The following NRG3 variants were observed in gnomAD, a reference collection of about 807,000 sequenced individuals.
NRG3 encodes neuregulin 3.
NRG3 carries 31 observed loss-of-function variants against 66.9 expected under a neutral mutation model. The observed-to-expected ratio is 0.46, with a 90% CI of 0.35 to 0.63. NRG3 has a LOEUF of 0.63. Among genes scored for constraint, NRG3 ranks in the 20% least tolerant of loss-of-function variants. The pLI, the probability that NRG3 is intolerant of heterozygous loss-of-function variation, is 0.00. For synonymous variants in NRG3, 393 were observed against 359.4 expected (o/e 1.09, Z -1.06); for missense variants, 910 against 878.9 (o/e 1.04, Z -0.45).
At chr10:82,859,459 G>A (rs976896375) in intron 3 of NRG3, among the ~76,000 whole-genome samples, 2 of 152,128 alleles carry the variant, frequency 1.3e-5, no homozygotes, top group Non-Finnish European at 2.9e-5. Flanking sequence ...CATAGGCTGG[G>A]TGACAAGTTA....
At chr10:82,639,400 G>A (rs2050416062) in intron 2 of NRG3, among the ~76,000 whole-genome samples, 1 of 152,126 alleles carries the variant, frequency 6.6e-6, no homozygotes, top group Non-Finnish European at 1.5e-5. Flanking sequence ...ACCACCACCT[G>A]GGGATTTAGG....
chr10:82,269,501 C>T lies in NRG3; in HGVS notation c.824-89238C>T, dbSNP rs570315535. 3.9e-5 allele frequency among the ~76,000 whole-genome samples: 6 copies of T among 152,230 alleles called. No individual in the cohort carries two copies. The South Asian group carries it at 1.2e-3, about 32-fold the overall frequency. On this transcript the variant is annotated intron_variant, in intron 1 of 8. Transcript: ENST00000372141. ...TCTCAAGCTCTGGCCTTCCATTGGT[C>T]ACTCAGTACTCACTGATCATCTCCA...
intron 1 of NRG3, among the ~76,000 whole-genome samples, chr10:82,265,088 G>A (rs2134244442): frequency 6.6e-6 from 1 of 152,228 alleles, no homozygotes; most frequent in Admixed American, 6.5e-5. Flanking sequence ...TGTGGGGAGA[G>A]AATAAAAGGT....
chr10:82,324,122 C>T (rs2081736623), intron 1 of NRG3, among the ~76,000 whole-genome samples: 1 of 152,292 alleles, frequency 6.6e-6, no homozygotes, highest in Admixed American at 6.5e-5. Flanking sequence ...GCCTCGGCTT[C>T]CCAGGGTGCT....
At position 81,963,125 on chromosome 10, in the gene NRG3, CTTTTTTTTT is replaced by C. The variant is rs777026850; in HGVS notation, c.823+86980_823+86988del. 6.2e-3 allele frequency among the ~76,000 whole-genome samples: 438 copies of C among 70,114 alleles called. 4 individuals are homozygous for C. Among genetic ancestry groups the C allele is most frequent in the Non-Finnish European group, 9.3e-3 (359 of 38,736 alleles). The allele number at this position is 70,114 out of a possible 152,430, so 46.0% of individuals were successfully genotyped here. On this transcript the variant is annotated intron_variant, in intron 1 of 8. Coordinates refer to ENST00000372141, the MANE Select transcript of NRG3 (RefSeq NM_001010848.4). ...GAAAATATGATCTGCCACGAGGGCT[CTTTTTTTTT>C]TTTTTTTTTTTTTTTTTGAGACGGA...
Position 82,424,756 on chromosome 10 carries a change from A to G in NRG3, c.953+65888A>G, listed in dbSNP as rs2105452. Among the ~76,000 whole-genome samples, 201 of 152,064 alleles carry G rather than the reference A, an allele frequency of 1.3e-3. 2 individuals are homozygous for G. In the East Asian group the frequency reaches 0.021, roughly 16 times the overall value. Reference sequence around the variant, plus strand: ...GATTTACTCCTATGCTTCTTTTAAAATTTTTATAGTTTTAGCTCTTACATT... The same window carrying G: ...GATTTACTCCTATGCTTCTTTTAAAGTTTTTATAGTTTTAGCTCTTACATT... On this transcript the variant is annotated intron_variant, in intron 2 of 8. Coordinates refer to ENST00000372141, the MANE Select transcript of NRG3 (RefSeq NM_001010848.4).
At chr10:82,748,897 C>A (rs1228125764) in intron 3 of NRG3, among the ~76,000 whole-genome samples, 1 of 151,992 alleles carries the variant, frequency 6.6e-6, no homozygotes, top group African/African-American at 2.4e-5. Flanking sequence ...GGTATACAGT[C>A]TAAAAAAATA....
chr10:82,002,614 C>T (rs1355095819), intron 1 of NRG3, among the ~76,000 whole-genome samples: 1 of 152,124 alleles, frequency 6.6e-6, no homozygotes, highest in African/African-American at 2.4e-5. Context: ...GCAACTTGGA[C>T]CTTCTGCTGT....
chr10:82,535,260 T>C (rs954712864), intron 2 of NRG3, among the ~76,000 whole-genome samples: 1 of 150,976 alleles, frequency 6.6e-6, no homozygotes, highest in African/African-American at 2.4e-5. Flanking sequence ...ACTATATATT[T>C]GCACACAAAT....
chr10:82,721,213 G>A (rs1316227838), intron 2 of NRG3, among the ~76,000 whole-genome samples: 3 of 119,382 alleles, frequency 2.5e-5, no homozygotes, highest in Non-Finnish European at 4.8e-5. Flanking sequence ...CTCACTGCAA[G>A]CTCCACCTCC....
chr10:82,025,333 T>C (rs1474449182), intron 1 of NRG3, among the ~76,000 whole-genome samples: 1 of 151,470 alleles, frequency 6.6e-6, no homozygotes, highest in Non-Finnish European at 1.5e-5. Flanking sequence ...TCCATGTACG[T>C]ATATTTGAAT....
intron 1 of NRG3, among the ~76,000 whole-genome samples, chr10:82,266,772 A>G (rs1388598621): frequency 2.0e-5 from 3 of 152,192 alleles, no homozygotes; most frequent in African/African-American, 7.2e-5. Context: ...GGGAAAGAGA[A>G]AGAAGCATTA....
chr10:82,898,656 C>A (rs1262525033), intron 4 of NRG3, among the ~76,000 whole-genome samples: 1 of 150,188 alleles, frequency 6.7e-6, no homozygotes, highest in Non-Finnish European at 1.5e-5. Context: ...CATTTGCATT[C>A]TTGCCTTGGA....
chr10:82,415,050 T>G (rs2088437033), intron 2 of NRG3, among the ~76,000 whole-genome samples: 1 of 152,144 alleles, frequency 6.6e-6, no homozygotes. Flanking sequence ...AACTACTATT[T>G]CACCAAACAA....
At chr10:82,215,210 T>C (rs899755706) in intron 1 of NRG3, among the ~76,000 whole-genome samples, 7 of 152,226 alleles carry the variant, frequency 4.6e-5, no homozygotes, top group Non-Finnish European at 1.0e-4. Context: ...ATGCATTTAA[T>C]AATAGGTCAG....
intron 1 of NRG3, among the ~76,000 whole-genome samples, chr10:82,342,467 G>A (rs554814440): frequency 1.3e-5 from 2 of 152,106 alleles, no homozygotes; most frequent in African/African-American, 4.8e-5. Context: ...CATTCTGGCT[G>A]GTGTAAGATG....
intron 1 of NRG3, among the ~76,000 whole-genome samples, chr10:82,242,942 G>A (rs1359453779): frequency 6.6e-6 from 1 of 152,190 alleles, no homozygotes; most frequent in African/African-American, 2.4e-5. Flanking sequence ...TGAACAGAAA[G>A]TGTTAAGGAC....
At chr10:82,369,437 T>G (rs2084744591) in intron 2 of NRG3, among the ~76,000 whole-genome samples, 1 of 138,028 alleles carries the variant, frequency 7.2e-6, no homozygotes, top group South Asian at 2.2e-4. Context: ...TCACTGGGAC[T>G]ACAAGTGCAC....
At chr10:82,886,567 T>G (rs1465896193) in intron 4 of NRG3, among the ~76,000 whole-genome samples, 1 of 152,212 alleles carries the variant, frequency 6.6e-6, no homozygotes, top group Non-Finnish European at 1.5e-5. Flanking sequence ...GCTTTGGAGC[T>G]TAGTATTGTC....
Sources: gnomAD v4.1 joint callset for allele counts (sites outside exome capture counted in the v4.1 genomes callset) on GRCh38, gnomAD v4.1.1 for gene constraint, MANE v1.5 for transcripts, NCBI Gene and HGNC (gene_info 2026-07-23, HGNC 2026-07-21) for gene names.